Variants in CLPX observed in about 807,000 individuals in gnomAD.
The protein encoded by CLPX is ATP-dependent clpX-like chaperone, mitochondrial.
Under a neutral mutation model 76.4 loss-of-function variants are expected in CLPX, and 34 were observed. The ratio of observed to expected loss-of-function variants is 0.45; its 90% confidence interval spans 0.34 to 0.59. CLPX has a LOEUF of 0.59. Ranked by LOEUF, CLPX falls within the 20% of genes least tolerant of loss-of-function variation. The pLI, the probability that CLPX is intolerant of heterozygous loss-of-function variation, is 0.01. For missense variants in CLPX, 613 were observed against 757.0 expected (o/e 0.81, Z 2.23); for synonymous variants, 248 against 270.9 (o/e 0.92, Z 0.83).
intron 3 of CLPX, among the ~76,000 whole-genome samples, chr15:65,169,694 TAAACA>T (rs1050699002): frequency 2.6e-4 from 40 of 151,654 alleles, no homozygotes; most frequent in African/African-American, 9.7e-4. Context: ...CCTCTTATTA[TAAACA>T]AAACAAATAA....
At chr15:65,169,180 T>G (rs2140635189) in intron 3 of CLPX, among the ~76,000 whole-genome samples, 1 of 151,972 alleles carries the variant, frequency 6.6e-6, no homozygotes, top group Middle Eastern at 3.4e-3. Flanking sequence ...CCTCTCGATC[T>G]CCTGACCTCG....
intron 1 of CLPX, among the ~76,000 whole-genome samples, chr15:65,183,836 AAAG>A (rs1423652572): frequency 5.9e-5 from 9 of 152,322 alleles, no homozygotes; most frequent in Non-Finnish European, 5.9e-5. Flanking sequence ...TCCAGCACTA[AAAG>A]AAGGCCTGAC....
intron 1 of CLPX, among the ~76,000 whole-genome samples, chr15:65,184,873 T>G (rs556088631): frequency 6.6e-6 from 1 of 152,360 alleles, no homozygotes; most frequent in East Asian, 1.9e-4. Flanking sequence ...GGAGTTTACT[T>G]CCAATTTGAG....
At chr15:65,155,355 T>C (rs569637818) in intron 10 of CLPX, among the ~76,000 whole-genome samples, 6 of 152,166 alleles carry the variant, frequency 3.9e-5, no homozygotes, top group Non-Finnish European at 7.3e-5. Flanking sequence ...GTTCAAGGGA[T>C]TCTCCTGCCT....
In CLPX at chr15:65,150,567, T is replaced by A. The variant is rs2087706684; in HGVS notation, c.*256A>T. 1.0e-5 allele frequency: 3 copies of A among 289,236 alleles called. No homozygotes were observed. The highest frequency in any genetic ancestry group is 1.9e-5 in the Non-Finnish European group (3 of 158,162). 17.9% of individuals were successfully genotyped at this position (289,236 alleles called of 1,614,324 possible). ...TCCTAAGAATTTTGTTAAAGCATATTTTTTTTAAAAAACTGAACCAAAATA... is the reference window on the plus strand; with the variant it reads ...TCCTAAGAATTTTGTTAAAGCATATATTTTTTAAAAAACTGAACCAAAATA... On this transcript the variant is annotated 3_prime_UTR_variant, in exon 14 of 14. Transcript: ENST00000300107.
intron 3 of CLPX, among the ~76,000 whole-genome samples, chr15:65,177,648 AC>A (rs1381651149): frequency 6.6e-6 from 1 of 152,224 alleles, no homozygotes; most frequent in Non-Finnish European, 1.5e-5. Flanking sequence ...AGGAAGGCTG[AC>A]ATGGTGGTAC....
chr15:65,182,187 A>G (rs1178301977), intron 1 of CLPX, among the ~76,000 whole-genome samples: 1 of 152,084 alleles, frequency 6.6e-6, no homozygotes, highest in Non-Finnish European at 1.5e-5. Flanking sequence ...AGATGCAATC[A>G]ATCAAAATGA....
chr15:65,161,932 C>T (rs1260714685), intron 6 of CLPX, among the ~76,000 whole-genome samples: 1 of 152,136 alleles, frequency 6.6e-6, no homozygotes. Context: ...ATATAGTACA[C>T]TTCAAATAGT....
At chr15:65,158,428 G>T in intron 7 of CLPX, 147 bp downstream of exon 7, 2 of 625,126 alleles carry the variant, frequency 3.2e-6, no homozygotes, top group Non-Finnish European at 5.4e-6. Flanking sequence ...TGTATTCTAT[G>T]CAGGAATACT....
chr15:65,174,495 C>T (rs909167457), intron 3 of CLPX, among the ~76,000 whole-genome samples: 1 of 151,942 alleles, frequency 6.6e-6, no homozygotes, highest in Non-Finnish European at 1.5e-5. Flanking sequence ...AAACTCCTGA[C>T]CTCATGATCT....
intron 3 of CLPX, among the ~76,000 whole-genome samples, chr15:65,176,259 G>A (rs1354243554): frequency 6.6e-6 from 1 of 152,188 alleles, no homozygotes; most frequent in Non-Finnish European, 1.5e-5. Context: ...AAGTTTAACA[G>A]TCACCTTCAG....
At chr15:65,158,516 G>T in intron 7 of CLPX, 59 bp downstream of exon 7, 2 of 1,396,212 alleles carry the variant, frequency 1.4e-6, no homozygotes, top group Non-Finnish European at 2.0e-6. Context: ...ACAGGTTATA[G>T]AATCATTTAT....
At chr15:65,177,609 T>A (rs2088106548) in intron 3 of CLPX, among the ~76,000 whole-genome samples, 1 of 152,314 alleles carries the variant, frequency 6.6e-6, no homozygotes, top group South Asian at 2.1e-4. Flanking sequence ...AGTCTTACAA[T>A]CTTGAAGCTT....
At chr15:65,153,777 T>C in intron 11 of CLPX, 138 bp from the exon 12 acceptor site, 1 of 542,614 alleles carries the variant, frequency 1.8e-6, no homozygotes, top group Admixed American at 3.9e-5. Flanking sequence ...TATCAATCCA[T>C]GACAGTATCA....
chr15:65,152,585 A>T (rs377721065), intron 12 of CLPX, 49 bp from the exon 13 acceptor site: 79 of 1,007,058 alleles, frequency 7.8e-5, no homozygotes, highest in Admixed American at 2.8e-4. Flanking sequence ...ATTACATACA[A>T]GTGCTTTTAT....
Position 65,156,907 on chromosome 15 carries a change from A to G in CLPX, c.1083T>C (p.Asp361=), listed in dbSNP as rs752455475. The change falls in exon 9 of 14, where the codon GAT becomes GAC. Residue 361 remains aspartate, a synonymous_variant. Coordinates refer to ENST00000300107, the MANE Select transcript of CLPX (RefSeq NM_006660.5). ...GAATGCCTGGCACACTGCCAATCTT[A>G]TCTACTTCATCCAGAAAGACAATTC... ...QQGIVFLDEV[D]KIGSVPGIHQ... 1.2e-6 allele frequency: 2 copies of G among 1,612,232 alleles called. No homozygotes were observed. The highest frequency in any genetic ancestry group is 1.7e-6 in the Non-Finnish European group (2 of 1,178,850).
At chr15:65,176,598 CTTTT>C (rs747274807) in intron 3 of CLPX, among the ~76,000 whole-genome samples, 3 of 140,938 alleles carry the variant, frequency 2.1e-5, no homozygotes, top group East Asian at 4.1e-4. Context: ...TTTTTTCTTT[CTTTT>C]TTTTTTTTTG....
chr15:65,179,448 GAAT>G (rs2088134691), intron 2 of CLPX, among the ~76,000 whole-genome samples: 1 of 152,052 alleles, frequency 6.6e-6, no homozygotes, highest in African/African-American at 2.4e-5. Context: ...TCTAAAATGG[GAAT>G]AATTTTACTC....
intron 11 of CLPX, among the ~76,000 whole-genome samples, chr15:65,154,061 G>T (rs1423363303): frequency 6.6e-6 from 1 of 152,164 alleles, no homozygotes; most frequent in Non-Finnish European, 1.5e-5. Flanking sequence ...GGAACCACCG[G>T]AGGATTTTAA....
Sources: gnomAD v4.1 joint callset for allele counts (sites outside exome capture counted in the v4.1 genomes callset) on GRCh38, gnomAD v4.1.1 for gene constraint, MANE v1.5 for transcripts, NCBI Gene and HGNC (gene_info 2026-07-23, HGNC 2026-07-21) for gene names.